The following RYK variants were observed in gnomAD, a reference collection of about 807,000 sequenced individuals.
RYK encodes receptor like tyrosine kinase, also known as inactive tyrosine-protein kinase RYK.
A neutral mutation model predicts 70.2 loss-of-function variants in RYK; 21 were observed. The observed-to-expected ratio is 0.30, with a 90% CI of 0.21 to 0.43. The LOEUF (loss-of-function observed/expected upper bound fraction) is 0.43. Among genes scored for constraint, RYK ranks in the 20% least tolerant of loss-of-function variants. The pLI, the probability that RYK is intolerant of heterozygous loss-of-function variation, is 1.00. For missense variants in RYK, 604 were observed against 753.3 expected (o/e 0.80, Z 2.32); for synonymous variants, 267 against 278.0 (o/e 0.96, Z 0.39).
intron 13 of RYK, among the ~76,000 whole-genome samples, chr3:134,173,219 T>G (rs749464306): frequency 3.1e-4 from 47 of 151,690 alleles, no homozygotes; most frequent in Non-Finnish European, 6.0e-4. Flanking sequence ...AGGCGGAGGT[T>G]GCACTGAGCT....
At chr3:134,197,384 C>T (rs2013849483) in intron 6 of RYK, among the ~76,000 whole-genome samples, 1 of 152,152 alleles carries the variant, frequency 6.6e-6, no homozygotes, top group South Asian at 2.1e-4. Flanking sequence ...ACCTCAAATT[C>T]CCGTGGACAG....
intron 1 of RYK, among the ~76,000 whole-genome samples, chr3:134,246,303 T>C (rs9852928): frequency 0.44 from 39,313 of 89,008 alleles, 8,972 homozygotes; most frequent in East Asian, 0.76. Flanking sequence ...CAGAAAGAAA[T>C]ACACACACAC....
chr3:134,231,193 CAAA>C (rs76361855), intron 1 of RYK, among the ~76,000 whole-genome samples: 31 of 107,378 alleles, frequency 2.9e-4, no homozygotes, highest in African/African-American at 9.6e-4. Context: ...CAGACAAGAC[CAAA>C]AAAAAAAAAA....
chr3:134,158,576 A>G (rs1030568560), intron 14 of RYK, among the ~76,000 whole-genome samples: 1 of 152,212 alleles, frequency 6.6e-6, no homozygotes, highest in African/African-American at 2.4e-5. Flanking sequence ...TTAAGAAAAG[A>G]ACTTGGAGGA....
chr3:134,199,970 C>T (rs13091354), intron 6 of RYK, among the ~76,000 whole-genome samples: 1,151 of 7,700 alleles, frequency 0.15, no homozygotes, highest in Non-Finnish European at 0.44. Flanking sequence ...GGTTTGTAAA[C>T]GCACCAATCA....
intron 1 of RYK, among the ~76,000 whole-genome samples, chr3:134,228,532 T>C (rs1210282846): frequency 6.6e-6 from 1 of 152,170 alleles, no homozygotes; most frequent in Non-Finnish European, 1.5e-5. Flanking sequence ...GGACATTCTG[T>C]CATTTGCTAC....
chr3:134,226,627 T>C, intron 1 of RYK, among the ~76,000 whole-genome samples: 1 of 152,134 alleles, frequency 6.6e-6, no homozygotes, highest in East Asian at 1.9e-4. Context: ...CAAGAATACA[T>C]AAAAGGATTA....
chr3:134,182,938 A>G lies in RYK; in HGVS notation c.1172+64T>C, dbSNP rs1409574642. On this transcript the variant is annotated intron_variant, in intron 10 of 14. Transcript: ENST00000623711. ...CAGAAGTCATCACAATGTTCTGCAC[A>G]TAAAAATGTGGCATCAAGTGTTGCC... 8 of 1,011,176 alleles carry G rather than the reference A, an allele frequency of 7.9e-6. No individual in the cohort carries two copies. The African/African-American group carries it at 9.7e-5, about 12-fold the overall frequency. The allele number at this position is 1,011,176 out of a possible 1,614,324, so 62.6% of individuals were successfully genotyped here. A position where few individuals can be genotyped will look rare whatever the true frequency, so the allele number is the denominator to read the frequency against.
At chr3:134,247,497 G>A (rs1387932959) in intron 1 of RYK, among the ~76,000 whole-genome samples, 1 of 152,144 alleles carries the variant, frequency 6.6e-6, no homozygotes, top group Non-Finnish European at 1.5e-5. Context: ...GAGGTTGGGG[G>A]TTTGAGAACA....
chr3:134,216,625 T>C (rs1310900904), intron 2 of RYK, among the ~76,000 whole-genome samples: 1 of 151,656 alleles, frequency 6.6e-6, no homozygotes, highest in Non-Finnish European at 1.5e-5. Context: ...ACCCTGTCTC[T>C]ACTAAAAATA....
rs767888706 is a variant in RYK, at chr3:134,159,373, A to G, written c.1576T>C (p.Trp526Arg). 1 of 1,599,810 alleles carries G rather than the reference A, an allele frequency of 6.3e-7. No homozygotes were observed. Among genetic ancestry groups the G allele is most frequent in the Non-Finnish European group, 8.5e-7 (1 of 1,172,330 alleles). ...TCCCACAGCGTCACTCCAAAGGCCC[A>G]CTAGTAAAGGAGCAGAAGCACAATG... ...NNEFSSASDV[W>R]AFGVTLWELM... The change falls in exon 14 of 15, where the codon TGG (tryptophan) becomes CGG (arginine). Residue 526 changes from tryptophan (W) to arginine (R), a missense_variant and splice_region_variant. This residue lies in a region of RYK where 138 missense variants were observed against 217.4 expected (regional missense o/e 0.63). Coordinates refer to ENST00000623711, the MANE Select transcript of RYK (RefSeq NM_002958.4).
chr3:134,229,928 C>T (rs1355766163), intron 1 of RYK, among the ~76,000 whole-genome samples: 2 of 152,144 alleles, frequency 1.3e-5, no homozygotes, highest in African/African-American at 4.8e-5. Context: ...ACAACTCTTA[C>T]ACATTGCTAA....
chr3:134,197,160 T>G (rs2013843538), intron 6 of RYK, among the ~76,000 whole-genome samples: 1 of 152,236 alleles, frequency 6.6e-6, no homozygotes, highest in Non-Finnish European at 1.5e-5. Flanking sequence ...TCAAAGAGAC[T>G]ATAATAAAGA....
chr3:134,160,314 T>C (rs1323678705), intron 13 of RYK, among the ~76,000 whole-genome samples: 1 of 151,756 alleles, frequency 6.6e-6, no homozygotes, highest in East Asian at 1.9e-4. Context: ...CCAAAATACA[T>C]ATTTTAATGA....
At chr3:134,237,831 C>T (rs937802293) in intron 1 of RYK, among the ~76,000 whole-genome samples, 1 of 152,232 alleles carries the variant, frequency 6.6e-6, no homozygotes, top group African/African-American at 2.4e-5. Flanking sequence ...ATATCATCCA[C>T]AGTTTCCATA....
intron 1 of RYK, among the ~76,000 whole-genome samples, chr3:134,228,703 C>T (rs1013148111): frequency 1.3e-5 from 2 of 151,780 alleles, no homozygotes; most frequent in African/African-American, 4.8e-5. Context: ...GAGACTGAGG[C>T]GGGGAGGGGA....
At chr3:134,177,332 C>T (rs1488579082) in intron 11 of RYK, among the ~76,000 whole-genome samples, 1 of 152,142 alleles carries the variant, frequency 6.6e-6, no homozygotes. Context: ...AATAAGCATA[C>T]TATTATAAAT....
In RYK at chr3:134,221,826, C is replaced by T. The variant is rs538473316; in HGVS notation, c.354+592G>A. ...CCATGCTCAGCCTCCGACTCTTTGA[C>T]TTAGGAGAAAACTTACCATGTTTGA... On this transcript the variant is annotated intron_variant, in intron 2 of 14. Transcript: ENST00000623711. 1.2e-4 allele frequency among the ~76,000 whole-genome samples: 19 copies of T among 152,272 alleles called. 1 individual carries two copies. The highest frequency in any genetic ancestry group is 4.3e-4 in the African/African-American group (18 of 41,546).
At chr3:134,235,299 T>C (rs2015172481) in intron 1 of RYK, among the ~76,000 whole-genome samples, 1 of 150,174 alleles carries the variant, frequency 6.7e-6, no homozygotes, top group Non-Finnish European at 1.5e-5. Flanking sequence ...ATGGTTAATA[T>C]ATGGCATTTT....
Sources: allele counts gnomAD v4.1 joint callset (sites outside exome capture counted in the v4.1 genomes callset), GRCh38; gene constraint gnomAD v4.1.1; regional missense constraint gnomAD v4.1.1; transcripts MANE v1.5; gene names NCBI Gene and HGNC (gene_info 2026-07-23, HGNC 2026-07-21).